FARS2: variants seen among roughly 807,000 people sequenced by gnomAD.
The protein encoded by FARS2 is phenylalanyl-tRNA synthetase 2, mitochondrial.
In FARS2, 40 loss-of-function variants were observed where a neutral mutation model predicts 46.4. That is an observed-to-expected ratio of 0.86 (90% CI 0.67 to 1.12). FARS2 has a LOEUF of 1.12. Ranked by LOEUF, FARS2 falls within the 50% of genes most tolerant of loss-of-function variation. The probability of loss-of-function intolerance (pLI) is 0.00; values close to 1 mark genes in which losing one functional copy is unlikely to be tolerated. For missense variants in FARS2, 513 were observed against 567.9 expected (o/e 0.90, Z 0.98); for synonymous variants, 234 against 214.9 (o/e 1.09, Z -0.78).
At chr6:5,766,219 G>A (rs895881692) in intron 6 of FARS2, among the ~76,000 whole-genome samples, 2 of 152,246 alleles carry the variant, frequency 1.3e-5, no homozygotes, top group Non-Finnish European at 2.9e-5. Context: ...TTCGGGGCAG[G>A]CTTCTTGTCC....
intron 6 of FARS2, among the ~76,000 whole-genome samples, chr6:5,701,008 A>G (rs1039056013): frequency 6.6e-6 from 1 of 152,218 alleles, no homozygotes; most frequent in African/African-American, 2.4e-5. Context: ...GACTTTTATG[A>G]GCACAGCAAG....
chr6:5,739,483 G>A (rs915117497), intron 6 of FARS2, among the ~76,000 whole-genome samples: 1 of 152,158 alleles, frequency 6.6e-6, no homozygotes, highest in Non-Finnish European at 1.5e-5. Context: ...GCAGTGGATT[G>A]TTTTTTATGT....
At chr6:5,706,183 A>G (rs568939190) in intron 6 of FARS2, among the ~76,000 whole-genome samples, 50 of 152,260 alleles carry the variant, frequency 3.3e-4, no homozygotes, top group African/African-American at 1.1e-3. Context: ...TCTCACTCCT[A>G]TGAGAATCTA....
intron 6 of FARS2, among the ~76,000 whole-genome samples, chr6:5,719,257 C>T (rs1252142584): frequency 6.6e-6 from 1 of 151,890 alleles, no homozygotes; most frequent in Non-Finnish European, 1.5e-5. Flanking sequence ...GAGGCACACA[C>T]CTATGGTCCC....
At chr6:5,754,707 G>A (rs12524563) in intron 6 of FARS2, among the ~76,000 whole-genome samples, 12,060 of 152,226 alleles carry the variant, frequency 0.079, 818 homozygotes, top group Admixed American at 0.18. Flanking sequence ...ATTGATGTAG[G>A]TTGACAGTTT....
intron 4 of FARS2, among the ~76,000 whole-genome samples, chr6:5,522,347 G>A (rs909610971): frequency 2.6e-5 from 4 of 152,216 alleles, no homozygotes; most frequent in Non-Finnish European, 5.9e-5. Context: ...AGGGGGTTAG[G>A]CCATGCAGCT....
chr6:5,753,237 A>G (rs189220783), intron 6 of FARS2, among the ~76,000 whole-genome samples: 1 of 152,346 alleles, frequency 6.6e-6, no homozygotes, highest in East Asian at 1.9e-4. Flanking sequence ...CTTTGAAGAA[A>G]GATGGTGGCC....
At chr6:5,429,131 G>C (rs952248610) in intron 3 of FARS2, among the ~76,000 whole-genome samples, 1 of 152,214 alleles carries the variant, frequency 6.6e-6, no homozygotes, top group African/African-American at 2.4e-5. Flanking sequence ...AGGGGCATGA[G>C]AAAGCTGGGA....
chr6:5,646,704 T>C (rs1777097792), intron 6 of FARS2, among the ~76,000 whole-genome samples: 1 of 152,224 alleles, frequency 6.6e-6, no homozygotes, highest in African/African-American at 2.4e-5. Flanking sequence ...TCCTCCTGTA[T>C]ACTTTAAGTC....
At chr6:5,515,069 C>T (rs1768704424) in intron 4 of FARS2, among the ~76,000 whole-genome samples, 4 of 151,984 alleles carry the variant, frequency 2.6e-5, no homozygotes, top group East Asian at 1.9e-4. Context: ...AGCCTTCAAG[C>T]GAAACTCCAT....
At chr6:5,428,558 A>G (rs1344076144) in intron 3 of FARS2, among the ~76,000 whole-genome samples, 1 of 152,238 alleles carries the variant, frequency 6.6e-6, no homozygotes, top group Non-Finnish European at 1.5e-5. Flanking sequence ...GCCAAGAGTT[A>G]TAAAAAAAGA....
chr6:5,328,631 A>G (rs909047133), intron 1 of FARS2, among the ~76,000 whole-genome samples: 29 of 151,674 alleles, frequency 1.9e-4, no homozygotes, highest in Non-Finnish European at 5.9e-5. Flanking sequence ...GTGTTACTGT[A>G]TGGTTTGAAG....
At chr6:5,583,541 A>T (rs1306585367) in intron 5 of FARS2, among the ~76,000 whole-genome samples, 2 of 152,262 alleles carry the variant, frequency 1.3e-5, no homozygotes, top group Admixed American at 1.3e-4. Context: ...AACAGAAACC[A>T]GCTCACTCAA....
At chr6:5,356,098 A>G (rs1294029558) in intron 1 of FARS2, among the ~76,000 whole-genome samples, 3 of 152,164 alleles carry the variant, frequency 2.0e-5, no homozygotes, top group Non-Finnish European at 1.5e-5. Flanking sequence ...TTCATGGTCT[A>G]TGTAGTGTCA....
chr6:5,596,751 C>T (rs9378969), intron 5 of FARS2, among the ~76,000 whole-genome samples: 75,595 of 152,084 alleles, frequency 0.5, 20,041 homozygotes, highest in East Asian at 0.7. Context: ...CCCTGCAAGT[C>T]GGATGTGAAT....
At chr6:5,545,401 G>T in intron 5 of FARS2, 61 bp downstream of exon 5, 1 of 1,259,746 alleles carries the variant, frequency 7.9e-7, no homozygotes, top group African/African-American at 1.5e-5. Context: ...GGATCGACAG[G>T]ATCATGTACT....
At chr6:5,695,500 C>T (rs906398607) in intron 6 of FARS2, among the ~76,000 whole-genome samples, 4 of 152,344 alleles carry the variant, frequency 2.6e-5, no homozygotes, top group South Asian at 2.1e-4. Context: ...TCCTGTGTGC[C>T]GTGCACTCAG....
At chr6:5,754,996 C>T (rs1762133819) in intron 6 of FARS2, among the ~76,000 whole-genome samples, 1 of 152,186 alleles carries the variant, frequency 6.6e-6, no homozygotes, top group Admixed American at 6.5e-5. Flanking sequence ...GTTCTCTCTA[C>T]ATTTTTCTGA....
chr6:5,638,479 C>T (rs1479126130), intron 6 of FARS2, among the ~76,000 whole-genome samples: 1 of 152,162 alleles, frequency 6.6e-6, no homozygotes, highest in Admixed American at 6.5e-5. Context: ...GCAGGAGAAT[C>T]GCTTGAACCC....
Sources: gnomAD v4.1 joint callset for allele counts (sites outside exome capture counted in the v4.1 genomes callset) on GRCh38, gnomAD v4.1.1 for gene constraint, MANE v1.5 for transcripts, NCBI Gene and HGNC (gene_info 2026-07-23, HGNC 2026-07-21) for gene names.